Variants in SLC8A3 observed in about 807,000 individuals in gnomAD.
SLC8A3 encodes sodium/calcium exchanger 3.
A neutral mutation model predicts 65.4 loss-of-function variants in SLC8A3; 37 were observed. The observed-to-expected ratio is 0.57, with a 90% CI of 0.44 to 0.74. The LOEUF (loss-of-function observed/expected upper bound fraction) is 0.74. Ranked by LOEUF, SLC8A3 falls within the 30% of genes least tolerant of loss-of-function variation. The probability of loss-of-function intolerance (pLI) is 0.00; values close to 1 mark genes in which losing one functional copy is unlikely to be tolerated. For missense variants in SLC8A3, 1,112 were observed against 1,172.1 expected (o/e 0.95, Z 0.75); for synonymous variants, 461 against 444.5 (o/e 1.04, Z -0.47).
intron 2 of SLC8A3, among the ~76,000 whole-genome samples, chr14:70,103,984 A>C (rs1892696302): frequency 6.6e-6 from 1 of 152,136 alleles, no homozygotes; most frequent in African/African-American, 2.4e-5. Flanking sequence ...TGAAGTGGCT[A>C]CATTCATATC....
At chr14:70,068,161 C>G (rs868841706) in intron 2 of SLC8A3, among the ~76,000 whole-genome samples, 1 of 152,158 alleles carries the variant, frequency 6.6e-6, no homozygotes, top group African/African-American at 2.4e-5. Flanking sequence ...TCAAATCAGG[C>G]CTCTGATCCT....
At chr14:70,149,039 C>G (rs2140300337) in intron 2 of SLC8A3, among the ~76,000 whole-genome samples, 1 of 152,318 alleles carries the variant, frequency 6.6e-6, no homozygotes, top group East Asian at 1.9e-4. Context: ...AAGGGAAGCA[C>G]AGAGTGGTCA....
intron 2 of SLC8A3, among the ~76,000 whole-genome samples, chr14:70,065,505 C>G (rs1243755049): frequency 2.0e-5 from 3 of 152,166 alleles, no homozygotes; most frequent in Admixed American, 1.3e-4. Flanking sequence ...GTAATGGAGA[C>G]AGATGAGCTG....
chr14:70,131,375 G>A (rs58619794), intron 2 of SLC8A3, among the ~76,000 whole-genome samples: 5,826 of 152,290 alleles, frequency 0.038, 367 homozygotes, highest in African/African-American at 0.13. Context: ...ATCAGACAAG[G>A]TTTGGTTGGA....
At chr14:70,070,630 G>T (rs1349106787) in intron 2 of SLC8A3, among the ~76,000 whole-genome samples, 4 of 152,176 alleles carry the variant, frequency 2.6e-5, no homozygotes, top group African/African-American at 9.7e-5. Context: ...TTCCAGGGAG[G>T]TGGGTTTCAA....
intron 5 of SLC8A3, among the ~76,000 whole-genome samples, chr14:70,050,456 C>G (rs78629888): frequency 0.035 from 5,256 of 152,200 alleles, 297 homozygotes; most frequent in African/African-American, 0.12. Flanking sequence ...ACCAGCAGTC[C>G]CCTCAGGCTT....
intron 2 of SLC8A3, among the ~76,000 whole-genome samples, chr14:70,159,323 C>T (rs114156471): frequency 4.8e-4 from 72 of 150,304 alleles, no homozygotes; most frequent in African/African-American, 1.7e-3. Context: ...GCATGAGAAT[C>T]GCTTGAACTC....
chr14:70,079,659 G>A (rs1045921606), intron 2 of SLC8A3, among the ~76,000 whole-genome samples: 6 of 151,376 alleles, frequency 4.0e-5, no homozygotes, highest in South Asian at 2.1e-4. Context: ...ATATAATCAC[G>A]CACCCTGGGA....
chr14:70,060,613 G>A (rs753142890), intron 3 of SLC8A3: 14 of 685,384 alleles, frequency 2.0e-5, no homozygotes, highest in Non-Finnish European at 3.5e-5. Context: ...TTTGGAATAA[G>A]CTAAGGCTAA....
Position 70,168,296 on chromosome 14 carries a change from G to T in SLC8A3, c.127C>A (p.Gln43Lys), listed in dbSNP as rs746158912. 3 of 1,614,110 alleles carry T rather than the reference G, an allele frequency of 1.9e-6. No individual in the cohort carries two copies. The highest frequency in any genetic ancestry group is 2.2e-5 in the South Asian group (2 of 91,070). ...GGSGDVPSTGQNNESCSGSSD... is the reference protein window; with the variant it reads ...GGSGDVPSTGKNNESCSGSSD... ...GACCCTGAACAGGACTCATTGTTCT[G>T]CCCTGTGCTTGGCACGTCCCCTGAG... The change falls in exon 2 of 7, where the codon CAG becomes AAG. Residue 43 changes from glutamine (Q) to lysine (K), a missense_variant. Physicochemically the swap from Gln to Lys is moderately conservative, Grantham distance 53. Transcript: ENST00000356921.
chr14:70,061,137 T>C lies in SLC8A3; in HGVS notation c.1785-198A>G, dbSNP rs140167114. Among the ~76,000 whole-genome samples the C allele has an allele frequency of 4.1e-3, 630 of 152,206 alleles. 6 individuals carry two copies. The highest frequency in any genetic ancestry group is 0.014 in the African/African-American group (586 of 41,510). The stretch of plus-strand genomic sequence containing the variant: ...GTCTTAGTTTTTCTTGTCTTCTTGG[T>C]CATAGTTGTTCTTACGGGTGAGGGG... On this transcript the variant is annotated intron_variant, in intron 2 of 6. Transcript: ENST00000356921.
intron 2 of SLC8A3, among the ~76,000 whole-genome samples, chr14:70,064,365 GC>G (rs1889168102): frequency 6.6e-6 from 1 of 152,106 alleles, no homozygotes; most frequent in South Asian, 2.1e-4. Context: ...TATCAGTCTT[GC>G]TTTTGAGACA....
intron 1 of SLC8A3, 61 bp from the exon 2 acceptor site, chr14:70,168,545 T>C: frequency 1.5e-6 from 1 of 683,316 alleles, no homozygotes. Flanking sequence ...AAACGGCAGG[T>C]TCCCACCAAT....
At chr14:70,182,969 G>C (rs1181610169) in intron 1 of SLC8A3, among the ~76,000 whole-genome samples, 1 of 152,192 alleles carries the variant, frequency 6.6e-6, no homozygotes, top group East Asian at 1.9e-4. Flanking sequence ...TGACAGGGAA[G>C]GATGAGGAAC....
chr14:70,121,869 T>TC (rs1894084008), intron 2 of SLC8A3, among the ~76,000 whole-genome samples: 1 of 152,154 alleles, frequency 6.6e-6, no homozygotes, highest in Non-Finnish European at 1.5e-5. Flanking sequence ...TTCTGTCAGC[T>TC]CCTTTGATTC....
At chr14:70,121,240 A>G (rs1425722879) in intron 2 of SLC8A3, among the ~76,000 whole-genome samples, 1 of 152,120 alleles carries the variant, frequency 6.6e-6, no homozygotes, top group Non-Finnish European at 1.5e-5. Context: ...CAGGCTCCCT[A>G]CGCCAGTCAT....
At chr14:70,148,703 T>G (rs1161194694) in intron 2 of SLC8A3, among the ~76,000 whole-genome samples, 2 of 152,172 alleles carry the variant, frequency 1.3e-5, no homozygotes, top group Non-Finnish European at 2.9e-5. Context: ...ATTATTATAT[T>G]TTTGATGTAC....
intron 4 of SLC8A3, among the ~76,000 whole-genome samples, chr14:70,051,497 C>G (rs1311233997): frequency 6.6e-6 from 1 of 152,096 alleles, no homozygotes; most frequent in Non-Finnish European, 1.5e-5. Context: ...GATGGAGTCT[C>G]CCTATGTTGC....
Position 70,110,295 on chromosome 14 carries a change from C to G in SLC8A3, c.1785-49356G>C, listed in dbSNP as rs1893190730. The stretch of plus-strand genomic sequence containing the variant: ...AAATAGTAGGCCTTATTCATTCTTT[C>G]TGTTTTTGTACCAGTTAACCATCCC... On this transcript the variant is annotated intron_variant, in intron 2 of 6. Coordinates refer to ENST00000356921, the MANE Select transcript of SLC8A3 (RefSeq NM_182932.3). 2.0e-5 allele frequency among the ~76,000 whole-genome samples: 3 copies of G among 152,208 alleles called. No individual in the cohort carries two copies. The South Asian group carries it at 6.2e-4, about 32-fold the overall frequency.
Sources: allele counts gnomAD v4.1 joint callset (sites outside exome capture counted in the v4.1 genomes callset), GRCh38; gene constraint gnomAD v4.1.1; transcripts MANE v1.5; gene names NCBI Gene and HGNC (gene_info 2026-07-23, HGNC 2026-07-21).